Variants in KNDC1 observed in about 807,000 individuals in gnomAD.
KNDC1 encodes kinase non-catalytic C-lobe domain containing 1.
KNDC1 carries 106 observed loss-of-function variants against 172.8 expected under a neutral mutation model. That is an observed-to-expected ratio of 0.61 (90% CI 0.52 to 0.72). KNDC1 has a LOEUF of 0.72. Among genes scored for constraint, KNDC1 ranks in the 30% least tolerant of loss-of-function variants. KNDC1 has a pLI of 0.00. For missense variants in KNDC1, 2,325 were observed against 2,394.5 expected (o/e 0.97, Z 0.61); for synonymous variants, 1,083 against 1,062.2 (o/e 1.02, Z -0.38).
chr10:133,178,119 G>C (rs925386403), intron 3 of KNDC1, among the ~76,000 whole-genome samples: 1 of 151,410 alleles, frequency 6.6e-6, no homozygotes, highest in Non-Finnish European at 1.5e-5. Flanking sequence ...CATGTGTGTG[G>C]TGTGTGTGCA....
chr10:133,184,015 C>A, intron 5 of KNDC1, 26 bp downstream of exon 5: 2 of 1,331,010 alleles, frequency 1.5e-6, no homozygotes, highest in South Asian at 1.3e-5. Flanking sequence ...CACACACGTG[C>A]ATCCTCATGC....
rs764793758 is a variant in KNDC1, at chr10:133,211,687, C to T, written c.4065C>T (p.Pro1355=). The T allele has an allele frequency of 3.1e-6, 5 of 1,598,696 alleles. No individual in the cohort carries two copies. The highest frequency in any genetic ancestry group is 4.3e-6 in the Non-Finnish European group (5 of 1,171,756). ...LEDFISSKIL[P]LDGSAKHLLG... is the part of the protein sequence containing the mutation. ...ACTGTGCTTCTGCCTAGATCCTACCCCTGGACGGCTCTGCCAAGCACCTGC... is the reference window on the plus strand; with the variant it reads ...ACTGTGCTTCTGCCTAGATCCTACCTCTGGACGGCTCTGCCAAGCACCTGC... Residue 1355 remains proline (P), a synonymous_variant, in exon 23 of 30, where the codon CCC becomes CCT. Coordinates refer to ENST00000304613, the MANE Select transcript of KNDC1 (RefSeq NM_152643.8).
At chr10:133,182,029 G>A (rs540527044) in intron 3 of KNDC1, among the ~76,000 whole-genome samples, 1 of 152,332 alleles carries the variant, frequency 6.6e-6, no homozygotes, top group South Asian at 2.1e-4. Context: ...CTTGGTGATA[G>A]TGGTTGGAGC....
rs1344445550 is a variant in KNDC1 at position 133,205,307 on chromosome 10, C to G, written c.3388-1378C>G. The stretch of plus-strand genomic sequence containing the variant: ...GTCCCGTCCAGGGAGGCGCTCAGCC[C>G]CAGCTGCTGTCTGTGCATGAAGCAG... On this transcript the variant is annotated intron_variant, in intron 17 of 29. Transcript: ENST00000304613. Among the ~76,000 whole-genome samples, 6 of 152,224 alleles carry G rather than the reference C, an allele frequency of 3.9e-5. No homozygotes were observed. The East Asian group carries it at 1.2e-3, about 29-fold the overall frequency.
intron 3 of KNDC1, among the ~76,000 whole-genome samples, chr10:133,177,045 G>T (rs569246719): frequency 6.6e-6 from 1 of 152,320 alleles, no homozygotes; most frequent in East Asian, 1.9e-4. Context: ...GCCCACAGCA[G>T]ATCACCCAGC....
chr10:133,212,593 C>A, intron 23 of KNDC1, 123 bp from the exon 24 acceptor site: 1 of 760,068 alleles, frequency 1.3e-6, no homozygotes, highest in Non-Finnish European at 2.1e-6. Flanking sequence ...TCTGGCTGGG[C>A]CAGTCTGAGG....
rs1854214355 is a variant in KNDC1 at position 133,197,123 on chromosome 10, T to TTCC, written c.1801_1803dup (p.Ser601dup). ...GGAAAATCCTTGCCCACCTCAGAGC[T>TTCC]TCCATCTGCCAGGTGGGCTAGAACA... On this transcript the variant is annotated inframe_insertion, in exon 11 of 30. Transcript: ENST00000304613. The TTCC allele has an allele frequency of 6.2e-7, 1 of 1,612,840 alleles. No homozygotes were observed. Among genetic ancestry groups the TTCC allele is most frequent in the African/African-American group, 1.3e-5 (1 of 74,898 alleles).
intron 19 of KNDC1, 77 bp downstream of exon 19, chr10:133,207,030 A>C: frequency 6.5e-7 from 1 of 1,548,962 alleles, no homozygotes; most frequent in Non-Finnish European, 8.9e-7. Context: ...GATGCTGTAA[A>C]TCTGTCCGTG....
rs1845693603 is a variant in KNDC1 at position 133,225,040 on chromosome 10, G to A, written c.*150G>A. The A allele has an allele frequency of 6.2e-6, 4 of 648,770 alleles. No individual in the cohort carries two copies. The highest frequency in any genetic ancestry group is 2.6e-5 in the Admixed American group (1 of 38,538). The allele number at this position is 648,770 out of a possible 1,614,324, so 40.2% of individuals were successfully genotyped here. ...CTGGACCAGGAGGTGGAGGCTCAGGGGACCCCATGGGGACAGGCAGAGCTG... is the reference window on the plus strand; with the variant it reads ...CTGGACCAGGAGGTGGAGGCTCAGGAGACCCCATGGGGACAGGCAGAGCTG... On this transcript the variant is annotated 3_prime_UTR_variant, in exon 30 of 30. Coordinates refer to ENST00000304613, the MANE Select transcript of KNDC1 (RefSeq NM_152643.8).
intron 29 of KNDC1, among the ~76,000 whole-genome samples, chr10:133,220,594 A>T (rs111301001): frequency 3.9e-4 from 5 of 12,720 alleles, no homozygotes; most frequent in Admixed American, 2.0e-3. Context: ...CGCGCCCAGG[A>T]GAGGAGGGGC....
Position 133,219,073 on chromosome 10 carries a change from G to A in KNDC1, c.4843G>A (p.Glu1615Lys). 6.2e-7 allele frequency: 1 copy of A among 1,613,952 alleles called. No individual in the cohort carries two copies. The highest frequency in any genetic ancestry group is 8.5e-7 in the Non-Finnish European group (1 of 1,179,954). ...LPAKIAEVME[E>K]LKAVEVFLKS... ...TGCAAAGATAGCAGAGGTCATGGAG[G>A]AGCTGAAAGCCGTGGAGGTACCAGC... Residue 1615 changes from glutamate to lysine, a missense_variant, in exon 28 of 30, where the codon GAG (glutamate) becomes AAG (lysine). Glu to Lys is a moderately conservative substitution (Grantham distance 56). Transcript: ENST00000304613.
At position 133,211,748 on chromosome 10, in the gene KNDC1, G is replaced by A. The variant is rs747407995; in HGVS notation, c.4126G>A (p.Glu1376Lys). The change falls in exon 23 of 30, where the codon GAG becomes AAG. Residue 1376 changes from glutamate to lysine, a missense_variant. Transcript: ENST00000304613. ...GGAGGTGGGCATGGACCGGCGGGCCGAGGGCAACCCTCGCGGCACAGACCT... is the reference window on the plus strand; with the variant it reads ...GGAGGTGGGCATGGACCGGCGGGCCAAGGGCAACCCTCGCGGCACAGACCT... Reference protein sequence around the residue: ...LLEVGMDRRAEGNPRGTDLEN... With the variant: ...LLEVGMDRRAKGNPRGTDLEN... 1.3e-5 allele frequency: 21 copies of A among 1,609,970 alleles called. No homozygotes were observed. Among genetic ancestry groups the A allele is most frequent in the Middle Eastern group, 1.7e-4 (1 of 6,056 alleles).
intron 28 of KNDC1, 103 bp from the exon 29 acceptor site, chr10:133,219,852 G>T: frequency 8.5e-7 from 1 of 1,182,518 alleles, no homozygotes; most frequent in Non-Finnish European, 1.2e-6. Context: ...CGTGGAGAAC[G>T]CAGGACCCGC....
At chr10:133,162,434 C>CATAT (rs948214840) in intron 1 of KNDC1, among the ~76,000 whole-genome samples, 2 of 152,154 alleles carry the variant, frequency 1.3e-5, no homozygotes, top group African/African-American at 4.8e-5. Context: ...AGGCCCAGGA[C>CATAT]ATATGCAGGC....
chr10:133,177,392 G>C (rs1300395051), intron 3 of KNDC1, among the ~76,000 whole-genome samples: 1 of 152,162 alleles, frequency 6.6e-6, no homozygotes, highest in Non-Finnish European at 1.5e-5. Context: ...ATGCAGTATG[G>C]TGTGTGGTGT....
intron 17 of KNDC1, among the ~76,000 whole-genome samples, chr10:133,205,338 G>A (rs189571223): frequency 1.2e-4 from 18 of 152,302 alleles, no homozygotes; most frequent in East Asian, 7.7e-4. Context: ...AGCAGTGCCC[G>A]GCGGCCCTCG....
At chr10:133,179,696 C>T (rs980353034) in intron 3 of KNDC1, among the ~76,000 whole-genome samples, 8 of 152,216 alleles carry the variant, frequency 5.3e-5, no homozygotes, top group African/African-American at 1.2e-4. Context: ...TGTCCCCACT[C>T]GAGGCGAGAG....
intron 14 of KNDC1, 36 bp from the exon 15 acceptor site, chr10:133,199,422 A>G (rs1224756572): frequency 6.2e-7 from 1 of 1,607,042 alleles, no homozygotes; most frequent in Non-Finnish European, 8.5e-7. Flanking sequence ...CAGCCCTGCC[A>G]CCATCTCACT....
At chr10:133,168,738 C>A (rs901161369) in intron 3 of KNDC1, among the ~76,000 whole-genome samples, 1 of 152,234 alleles carries the variant, frequency 6.6e-6, no homozygotes, top group African/African-American at 2.4e-5. Flanking sequence ...GCAGCCGGGC[C>A]ACTCACAGCC....
Sources: gnomAD v4.1 joint callset for allele counts (sites outside exome capture counted in the v4.1 genomes callset) on GRCh38, gnomAD v4.1.1 for gene constraint, MANE v1.5 for transcripts, NCBI Gene and HGNC (gene_info 2026-07-23, HGNC 2026-07-21) for gene names.